PACRG: variants seen among roughly 807,000 people sequenced by gnomAD.
PACRG encodes the protein parkin coregulated gene protein.
PACRG carries 29 observed loss-of-function variants against 29.7 expected under a neutral mutation model. The observed-to-expected ratio is 0.98, with a 90% CI of 0.73 to 1.33. The LOEUF is 1.33. PACRG is among the 40% of genes most tolerant of loss of function. The pLI is 0.00. For missense variants in PACRG, 279 were observed against 316.2 expected (o/e 0.88, Z 0.89); for synonymous variants, 116 against 118.7 (o/e 0.98, Z 0.15).
At chr6:163,075,067 G>A (rs1812420568) in intron 3 of PACRG, among the ~76,000 whole-genome samples, 1 of 152,036 alleles carries the variant, frequency 6.6e-6, no homozygotes, top group South Asian at 2.1e-4. Flanking sequence ...AAAAAAGGAA[G>A]TGTCACACAA....
chr6:163,269,847 A>AAGAAAGAAAG lies in PACRG; in HGVS notation c.614-44958_614-44949dup, dbSNP rs1273375279. Among the ~76,000 whole-genome samples, 2 of 65,508 alleles carry AAGAAAGAAAG rather than the reference A, an allele frequency of 3.1e-5. 1 individual carries two copies. The highest frequency in any genetic ancestry group is 6.0e-5 in the Non-Finnish European group (2 of 33,280). 43.0% of individuals were successfully genotyped at this position (65,508 alleles called of 152,430 possible). A position where few individuals can be genotyped will look rare whatever the true frequency, so the allele number is the denominator to read the frequency against. On this transcript the variant is annotated intron_variant, in intron 4 of 4. Transcript: ENST00000366888. ...AGAAAGAAAGAAAGAAAAAGAAAGA[A>AAGAAAGAAAG]AGAAAGAAAGAGAAAGAAAGAGAAA...
At chr6:163,039,387 T>G (rs1384731337) in intron 2 of PACRG, among the ~76,000 whole-genome samples, 2 of 152,020 alleles carry the variant, frequency 1.3e-5, no homozygotes, top group Admixed American at 6.6e-5. Context: ...ACCAGCAGAG[T>G]GGGGTACTGC....
chr6:163,289,949 G>GTGAT (rs1196030901), intron 4 of PACRG, among the ~76,000 whole-genome samples: 1 of 152,110 alleles, frequency 6.6e-6, no homozygotes, highest in Non-Finnish European at 1.5e-5. Context: ...CCAGGTTCAA[G>GTGAT]TGATTCTCCT....
At chr6:163,296,389 G>A (rs948146074) in intron 4 of PACRG, among the ~76,000 whole-genome samples, 5 of 152,056 alleles carry the variant, frequency 3.3e-5, no homozygotes, top group Admixed American at 1.3e-4. Flanking sequence ...TCCACCTCCC[G>A]AGTTCAAGCA....
intron 2 of PACRG, among the ~76,000 whole-genome samples, chr6:162,907,354 T>C (rs974012210): frequency 6.6e-6 from 1 of 152,164 alleles, no homozygotes; most frequent in Non-Finnish European, 1.5e-5. Flanking sequence ...TCTGAACTCA[T>C]TCATAAGGAA....
At chr6:163,035,145 G>T (rs959323501) in intron 2 of PACRG, among the ~76,000 whole-genome samples, 2 of 152,134 alleles carry the variant, frequency 1.3e-5, no homozygotes, top group Non-Finnish European at 2.9e-5. Flanking sequence ...CTTCTTTACT[G>T]CAGTCTGTTT....
chr6:163,296,509 G>A (rs1055822077), intron 4 of PACRG, among the ~76,000 whole-genome samples: 9 of 152,170 alleles, frequency 5.9e-5, no homozygotes, highest in Non-Finnish European at 1.3e-4. Context: ...TGGCCAGGCT[G>A]GTCTTGAACT....
At chr6:162,851,182 T>A (rs914000440) in intron 2 of PACRG, among the ~76,000 whole-genome samples, 1 of 152,230 alleles carries the variant, frequency 6.6e-6, no homozygotes, top group Non-Finnish European at 1.5e-5. Context: ...CGTGTCCAGC[T>A]GCGGCTGGTA....
At chr6:162,946,406 T>A (rs965892893) in intron 2 of PACRG, among the ~76,000 whole-genome samples, 20 of 151,952 alleles carry the variant, frequency 1.3e-4, no homozygotes, top group African/African-American at 4.8e-4. Context: ...AATAGAAAAA[T>A]TCCTGGACAC....
Position 163,055,810 on chromosome 6 carries a change from C to T in PACRG, c.292-6340C>T, listed in dbSNP as rs116534136. On this transcript the variant is annotated intron_variant, in intron 2 of 4. Transcript: ENST00000366888. The surrounding 1 kb of genome is among the most constrained non-coding windows in gnomAD (Gnocchi z 4.0). Reference sequence around the variant, plus strand: ...GTTCCAGAACTTTTTCATCACCCCACATGGAAACCCCATGCCCAATAAGCA... The same window carrying T: ...GTTCCAGAACTTTTTCATCACCCCATATGGAAACCCCATGCCCAATAAGCA... Among the ~76,000 whole-genome samples the T allele has an allele frequency of 0.014, 2,155 of 152,248 alleles. 49 individuals carry two copies. Among genetic ancestry groups the T allele is most frequent in the African/African-American group, 0.049 (2,038 of 41,530 alleles).
At chr6:163,104,022 G>T (rs1197702078) in intron 4 of PACRG, among the ~76,000 whole-genome samples, 2 of 152,126 alleles carry the variant, frequency 1.3e-5, no homozygotes, top group East Asian at 3.8e-4. Context: ...CTGATCAAAA[G>T]ATTTCTTTTA....
chr6:163,047,657 A>G (rs887578923), intron 2 of PACRG, among the ~76,000 whole-genome samples: 42 of 152,116 alleles, frequency 2.8e-4, no homozygotes, highest in Non-Finnish European at 7.4e-5. Flanking sequence ...AAATAATTTG[A>G]TTCTCCATTC....
intron 4 of PACRG, among the ~76,000 whole-genome samples, chr6:163,111,867 T>TA (rs1430769926): frequency 6.6e-6 from 1 of 152,228 alleles, no homozygotes; most frequent in Non-Finnish European, 1.5e-5. Flanking sequence ...TCCTGGCACA[T>TA]ATTGTGTAAA....
chr6:163,194,933 C>A (rs1273350954), intron 4 of PACRG, among the ~76,000 whole-genome samples: 1 of 152,108 alleles, frequency 6.6e-6, no homozygotes, highest in Non-Finnish European at 1.5e-5. Context: ...GTGCACTTTG[C>A]AGGCATCAGA....
chr6:162,740,403 C>T (rs193234204), intron 1 of PACRG, among the ~76,000 whole-genome samples: 2,255 of 148,198 alleles, frequency 0.015, 67 homozygotes, highest in African/African-American at 0.053. Context: ...CTCCACCTTC[C>T]GGGTTCACGC....
In PACRG at chr6:162,941,136, T is replaced by C. The variant is rs544310723; in HGVS notation, c.292-121014T>C. On this transcript the variant is annotated intron_variant, in intron 2 of 4. Transcript: ENST00000366888. ...CGGGTGTCCCCACGGCTTCTAGCCTTTGGGGTTACCCTCTTCTCTAATATT... is the reference window on the plus strand; with the variant it reads ...CGGGTGTCCCCACGGCTTCTAGCCTCTGGGGTTACCCTCTTCTCTAATATT... Among the ~76,000 whole-genome samples the C allele has an allele frequency of 3.9e-4, 60 of 152,226 alleles. 1 individual carries two copies. In the East Asian group the frequency reaches 0.011, roughly 29 times the overall value.
At chr6:163,090,636 C>T (rs1225987677) in intron 4 of PACRG, among the ~76,000 whole-genome samples, 1 of 152,098 alleles carries the variant, frequency 6.6e-6, no homozygotes, top group South Asian at 2.1e-4. Flanking sequence ...ATTCATAGTT[C>T]ATATTTTTAC....
At chr6:163,071,015 C>T (rs1298267381) in intron 3 of PACRG, among the ~76,000 whole-genome samples, 1 of 152,042 alleles carries the variant, frequency 6.6e-6, no homozygotes, top group Non-Finnish European at 1.5e-5. Flanking sequence ...AATATGTAAG[C>T]ACCCAATACT....
At chr6:162,727,951 T>C (rs1022460605), upstream of PACRG, 17 of 595,926 alleles carry the variant, frequency 2.9e-5, no homozygotes, top group African/African-American at 3.0e-4. Flanking sequence ...GGCGGGGCTA[T>C]GCGCCCGCCG....
Sources: allele counts gnomAD v4.1 joint callset (sites outside exome capture counted in the v4.1 genomes callset), GRCh38; gene constraint gnomAD v4.1.1; non-coding constraint Gnocchi (gnomAD v3.1); transcripts MANE v1.5; gene names NCBI Gene and HGNC (gene_info 2026-07-23, HGNC 2026-07-21).